The following RER1 variants were observed in gnomAD, a reference collection of about 807,000 sequenced individuals.
The protein encoded by RER1 is protein RER1.
Under a neutral mutation model 28.3 loss-of-function variants are expected in RER1, and 6 were observed. That is an observed-to-expected ratio of 0.21 (90% CI 0.12 to 0.42). The LOEUF (loss-of-function observed/expected upper bound fraction) is 0.42. RER1 is among the 10% of genes least tolerant of loss of function. The pLI is 1.00. For missense variants in RER1, 159 were observed against 252.9 expected (o/e 0.63, Z 2.52); for synonymous variants, 110 against 95.9 (o/e 1.15, Z -0.86).
At chr1:2,394,616 T>C (rs1055934227) in intron 1 of RER1, 2 of 152,248 alleles carry the variant, frequency 1.3e-5, no homozygotes, top group Non-Finnish European at 2.9e-5. Context: ...TGAGGAATGA[T>C]GTCTTTGCTT....
intron 4 of RER1, among the ~76,000 whole-genome samples, chr1:2,400,053 G>A: frequency 6.6e-6 from 1 of 152,314 alleles, no homozygotes; most frequent in East Asian, 1.9e-4. Context: ...ACTATTGGAA[G>A]ACTTACGCAG....
intron 5 of RER1, chr1:2,401,827 T>C: frequency 3.6e-6 from 2 of 552,036 alleles, no homozygotes; most frequent in Middle Eastern, 9.7e-4. Context: ...GAGGGAGCAC[T>C]GGTGGCCATG....
intron 6 of RER1, among the ~76,000 whole-genome samples, chr1:2,402,700 A>G (rs1265905956): frequency 6.6e-6 from 1 of 152,144 alleles, no homozygotes; most frequent in Non-Finnish European, 1.5e-5. Flanking sequence ...GAGACTGCGG[A>G]CTGTGCCCTT....
chr1:2,396,054 G>A (rs1642763765), intron 2 of RER1, 183 bp downstream of exon 2: 3 of 609,050 alleles, frequency 4.9e-6, no homozygotes, highest in Non-Finnish European at 8.8e-6. Context: ...ATCGGGCTCT[G>A]GGGCCACACG....
chr1:2,403,154 C>A lies in RER1; in HGVS notation c.*30C>A, dbSNP rs747090636. 6.4e-7 allele frequency: 1 copy of A among 1,562,448 alleles called. No individual in the cohort carries two copies. Among genetic ancestry groups the A allele is most frequent in the Admixed American group, 1.7e-5 (1 of 59,940 alleles). ...GGGACTGAGGCTGCCTCACGTGTTG[C>A]AAGAACAGTTTTGAGCCATTGTTAA... On this transcript the variant is annotated 3_prime_UTR_variant, in exon 7 of 7. Coordinates refer to ENST00000605895, the MANE Select transcript of RER1 (RefSeq NM_007033.5).
chr1:2,400,589 G>T (rs1012270375), intron 4 of RER1, among the ~76,000 whole-genome samples: 1 of 152,216 alleles, frequency 6.6e-6, no homozygotes, highest in African/African-American at 2.4e-5. Flanking sequence ...TGCAGCTGAC[G>T]TGTTCCTGGA....
At position 2,397,105 on chromosome 1, in the gene RER1, T is replaced by G; in HGVS notation, c.82-11T>G. The G allele has an allele frequency of 1.3e-6, 2 of 1,589,336 alleles. No homozygotes were observed. The highest frequency in any genetic ancestry group is 1.7e-6 in the Non-Finnish European group (2 of 1,157,932). ...GACCTGCTTCATGCTTTTGGACTCT[T>G]GTCTTTCTAGATTTATCAGTCCTGG... On this transcript the variant is annotated splice_polypyrimidine_tract_variant and intron_variant, in intron 2 of 6. Coordinates refer to ENST00000605895, the MANE Select transcript of RER1 (RefSeq NM_007033.5).
rs778599913 is a variant in RER1 at position 2,397,260 on chromosome 1, C to T, written c.186+40C>T. On this transcript the variant is annotated intron_variant, in intron 3 of 6. Transcript: ENST00000605895. ...AAGTGACGAGACTTGGCTCTGTCCA[C>T]GTTACCTGGGCGTGATGTTTGTGGG... 1.4e-5 allele frequency: 19 copies of T among 1,359,116 alleles called. No homozygotes were observed. In the Middle Eastern group the frequency reaches 5.7e-4, roughly 41 times the overall value. The allele number at this position is 1,359,116 out of a possible 1,614,324, so 84.2% of individuals were successfully genotyped here. A position where few individuals can be genotyped will look rare whatever the true frequency, so the allele number is the denominator to read the frequency against.
Position 2,402,211 on chromosome 1 carries a change from G to A in RER1, c.370G>A (p.Ala124Thr), listed in dbSNP as rs773067420. 1 of 1,614,216 alleles carries A rather than the reference G, an allele frequency of 6.2e-7. No homozygotes were observed. Among genetic ancestry groups the A allele is most frequent in the South Asian group, 1.1e-5 (1 of 91,082 alleles). Residue 124 changes from alanine to threonine, a missense_variant, in exon 6 of 7, where the codon GCG becomes ACG. Physicochemically the swap from Ala to Thr is moderately conservative, Grantham distance 58. Coordinates refer to ENST00000605895, the MANE Select transcript of RER1 (RefSeq NM_007033.5). ...RRLPEFKFWH[A>T]ATKGILVAMV... ...ACCTTCTCTCCCCACTTGAAGGCAT[G>A]CGGCTACCAAGGGCATCCTTGTGGC...
intron 1 of RER1, chr1:2,393,117 A>AGGCACATAGAG (rs1187064606): frequency 1.0e-4 from 1 of 9,572 alleles, no homozygotes; most frequent in East Asian, 4.7e-3. Flanking sequence ...GCCTGGAACA[A>AGGCACATAGAG]GGCACATAGA....
At chr1:2,396,643 G>A (rs528614184) in intron 2 of RER1, among the ~76,000 whole-genome samples, 7 of 152,326 alleles carry the variant, frequency 4.6e-5, no homozygotes, top group African/African-American at 1.7e-4. Context: ...CCGCCTGGAC[G>A]CACACACATG....
intron 5 of RER1, 81 bp from the exon 6 acceptor site, chr1:2,402,126 G>C (rs1642873461): frequency 1.2e-6 from 2 of 1,613,736 alleles, no homozygotes; most frequent in Non-Finnish European, 1.7e-6. Context: ...GACGGTCGGT[G>C]CAGCTGCAAG....
chr1:2,396,417 C>A (rs1202690290), intron 2 of RER1: 1 of 153,534 alleles, frequency 6.5e-6, no homozygotes, highest in Non-Finnish European at 1.5e-5. Context: ...AATAAAAATT[C>A]ATCACCTTAA....
rs1248349298 is a variant in RER1 at position 2,405,112 on chromosome 1, T to G, written c.*1988T>G. ...TCAGGCTGAGATGCAGATTTCTGTT[T>G]TCTAAAACTGGAAGCGACCTTGACG... is the stretch of plus-strand genomic sequence containing the variant. On this transcript the variant is annotated 3_prime_UTR_variant, in exon 7 of 7. Transcript: ENST00000605895. 4 of 160,594 alleles carry G rather than the reference T, an allele frequency of 2.5e-5. No homozygotes were observed. Among genetic ancestry groups the G allele is most frequent in the African/African-American group, 9.6e-5 (4 of 41,490 alleles). The allele number at this position is 160,594 out of a possible 1,614,324, so 9.9% of individuals were successfully genotyped here.
chr1:2,396,131 C>T (rs1180313978), intron 2 of RER1: 7 of 459,266 alleles, frequency 1.5e-5, no homozygotes, highest in African/African-American at 1.4e-4. Flanking sequence ...AATATAAAAC[C>T]CAGTCTCAGC....
chr1:2,399,385 C>T (rs766046026), intron 3 of RER1, 30 bp from the exon 4 acceptor site: 26 of 1,430,716 alleles, frequency 1.8e-5, no homozygotes, highest in Non-Finnish European at 2.1e-5. Context: ...GGTCAGAGTG[C>T]ACCACTGACT....
In RER1 at chr1:2,403,418, G is replaced by A. The variant is rs1012212679; in HGVS notation, c.*294G>A. 4.1e-5 allele frequency: 15 copies of A among 367,940 alleles called. No individual in the cohort carries two copies. The highest frequency in any genetic ancestry group is 7.3e-5 in the Non-Finnish European group (14 of 192,468). 22.8% of individuals were successfully genotyped at this position (367,940 alleles called of 1,614,324 possible). ...CCCATGGGAGCAAGGGCGAGTGGCCGGTCCCCGCTGTGCCAGGTGGGCAGG... is the reference window on the plus strand; with the variant it reads ...CCCATGGGAGCAAGGGCGAGTGGCCAGTCCCCGCTGTGCCAGGTGGGCAGG... On this transcript the variant is annotated 3_prime_UTR_variant, in exon 7 of 7. Transcript: ENST00000605895.
At chr1:2,398,244 A>G (rs1435808830) in intron 3 of RER1, among the ~76,000 whole-genome samples, 3 of 152,116 alleles carry the variant, frequency 2.0e-5, no homozygotes, top group Non-Finnish European at 4.4e-5. Context: ...ACACACAGAC[A>G]TCAGTTAGCC....
At chr1:2,401,760 G>C (rs983352227) in intron 5 of RER1, among the ~76,000 whole-genome samples, 3 of 152,284 alleles carry the variant, frequency 2.0e-5, no homozygotes, top group Non-Finnish European at 4.4e-5. Flanking sequence ...GCTTGGACTA[G>C]GAAGGGAGAG....
Sources: gnomAD v4.1 joint callset for allele counts (sites outside exome capture counted in the v4.1 genomes callset) on GRCh38, gnomAD v4.1.1 for gene constraint, MANE v1.5 for transcripts, NCBI Gene and HGNC (gene_info 2026-07-23, HGNC 2026-07-21) for gene names.